Variants in SCHIP1 observed in about 807,000 individuals in gnomAD.
The protein encoded by SCHIP1 is schwannomin interacting protein 1, also known as schwannomin-interacting protein 1.
In SCHIP1, 8 loss-of-function variants were observed where a neutral mutation model predicts 29.7. The ratio of observed to expected loss-of-function variants is 0.27; its 90% CI spans 0.16 to 0.49. The LOEUF (loss-of-function observed/expected upper bound fraction) is 0.49, where lower values mean the gene tolerates loss of function less well. SCHIP1 is among the 20% of genes least tolerant of loss of function. The pLI is 0.99. For missense variants in SCHIP1, 193 were observed against 294.6 expected (o/e 0.66, Z 2.52); for synonymous variants, 76 against 94.9 (o/e 0.80, Z 1.16).
chr3:159,741,942 A>T, the SCHIP1 span, among the ~76,000 whole-genome samples: 1 of 152,210 alleles, frequency 6.6e-6, no homozygotes, highest in African/African-American at 2.4e-5. Flanking sequence ...GTCAAAAAGA[A>T]AAAGGAGGCT....
the SCHIP1 span, among the ~76,000 whole-genome samples, chr3:159,673,199 A>G: frequency 2.0e-5 from 3 of 152,336 alleles, no homozygotes; most frequent in East Asian, 5.8e-4. Flanking sequence ...TATCATTGAC[A>G]CTGGGTCTCT....
At chr3:159,677,254 C>G in the SCHIP1 span, among the ~76,000 whole-genome samples, 1 of 152,244 alleles carries the variant, frequency 6.6e-6, no homozygotes, top group Admixed American at 6.5e-5. Context: ...ACCTCACATC[C>G]TGTCTTCCAA....
At chr3:159,888,060 T>C (rs777367611) in intron 4 of SCHIP1, 155 bp downstream of exon 5, 8 of 1,089,428 alleles carry the variant, frequency 7.3e-6, no homozygotes, top group Non-Finnish European at 1.0e-5. Flanking sequence ...TGTTTCTTTT[T>C]CCTTCCTACT....
chr3:159,493,040 C>G, the SCHIP1 span, among the ~76,000 whole-genome samples: 1,529 of 152,266 alleles, frequency 0.01, 23 homozygotes, highest in African/African-American at 0.035. Flanking sequence ...ACTTTACAGA[C>G]AAGCAAATGC....
intron 1 of SCHIP1, among the ~76,000 whole-genome samples, chr3:159,840,917 T>C (rs886319491): frequency 6.6e-6 from 1 of 152,242 alleles, no homozygotes; most frequent in Non-Finnish European, 1.5e-5. Flanking sequence ...GTTTAGTAAC[T>C]CCTTGGTAGG....
the SCHIP1 span, among the ~76,000 whole-genome samples, chr3:159,511,946 T>C: frequency 6.6e-6 from 1 of 152,158 alleles, no homozygotes; most frequent in African/African-American, 2.4e-5. Context: ...GAGAGGAATT[T>C]CTTAACACAC....
chr3:159,468,779 T>G, the SCHIP1 span, among the ~76,000 whole-genome samples: 3 of 98,688 alleles, frequency 3.0e-5, no homozygotes, highest in African/African-American at 1.2e-4. Flanking sequence ...ATATATATAT[T>G]TTTTTTAGAT....
chr3:159,554,011 TGTGTGTGTTTGTG>T, the SCHIP1 span, among the ~76,000 whole-genome samples: 10 of 122,488 alleles, frequency 8.2e-5, no homozygotes, highest in African/African-American at 4.3e-4. Context: ...TGTGTGTGTG[TGTGTGTGTTTGTG>T]TATGTGTGTG....
intron 5 of SCHIP1, 28 bp downstream of exon 6, chr3:159,888,971 G>T: frequency 1.2e-6 from 2 of 1,610,114 alleles, no homozygotes; most frequent in Admixed American, 1.7e-5. Flanking sequence ...TTGAAAATAG[G>T]ATATTCAATG....
chr3:159,629,903 C>A, the SCHIP1 span, among the ~76,000 whole-genome samples: 1 of 152,030 alleles, frequency 6.6e-6, no homozygotes, highest in African/African-American at 2.4e-5. Context: ...GGAGGACAGA[C>A]AAGTAAATAA....
chr3:159,736,615 GAACC>G, the SCHIP1 span, among the ~76,000 whole-genome samples: 1 of 152,118 alleles, frequency 6.6e-6, no homozygotes, highest in Non-Finnish European at 1.5e-5. Flanking sequence ...AAACAATCAG[GAACC>G]ATGGCTACCT....
At chr3:159,682,342 T>C in the SCHIP1 span, among the ~76,000 whole-genome samples, 1 of 152,144 alleles carries the variant, frequency 6.6e-6, no homozygotes, top group East Asian at 1.9e-4. Flanking sequence ...AAAAGCCAAT[T>C]GAGCATAAAA....
the SCHIP1 span, among the ~76,000 whole-genome samples, chr3:159,393,492 A>G: frequency 6.6e-6 from 1 of 152,050 alleles, no homozygotes; most frequent in Non-Finnish European, 1.5e-5. Context: ...ATTTTTGTAT[A>G]AGGTGTAAGG....
At chr3:159,478,720 TTTTA>T in the SCHIP1 span, among the ~76,000 whole-genome samples, 7 of 152,198 alleles carry the variant, frequency 4.6e-5, no homozygotes, top group Admixed American at 4.6e-4. Flanking sequence ...TGAAATATCT[TTTTA>T]TTTATTTGTG....
chr3:159,531,788 T>C, the SCHIP1 span, among the ~76,000 whole-genome samples: 8 of 152,328 alleles, frequency 5.3e-5, no homozygotes, highest in Admixed American at 4.6e-4. Flanking sequence ...TAAGTTATTT[T>C]ACAGGTCTTA....
the SCHIP1 span, among the ~76,000 whole-genome samples, chr3:159,662,825 C>T: frequency 6.6e-6 from 1 of 152,168 alleles, no homozygotes; most frequent in Admixed American, 6.5e-5. Flanking sequence ...TTAAGTTATT[C>T]TAAACTGCCT....
the SCHIP1 span, chr3:159,768,208 C>T: frequency 1.8e-4 from 27 of 152,344 alleles, no homozygotes; most frequent in African/African-American, 6.5e-4. Flanking sequence ...TCCCACCTCC[C>T]TGAAACTTAA....
chr3:159,694,546 A>G, the SCHIP1 span, among the ~76,000 whole-genome samples: 1 of 18,860 alleles, frequency 5.3e-5, no homozygotes, highest in Non-Finnish European at 1.3e-4. Flanking sequence ...ACAAGAAAGA[A>G]AGAAAGAAAG....
At chr3:159,652,425 A>G in the SCHIP1 span, among the ~76,000 whole-genome samples, 1 of 152,106 alleles carries the variant, frequency 6.6e-6, no homozygotes, top group African/African-American at 2.4e-5. Context: ...GGTTTTGAAA[A>G]ATTATCTTTA....
Sources: allele counts gnomAD v4.1 joint callset (sites outside exome capture counted in the v4.1 genomes callset), GRCh38; gene constraint gnomAD v4.1.1; transcripts MANE v1.5; gene names NCBI Gene and HGNC (gene_info 2026-07-23, HGNC 2026-07-21).